KLHL25: variants seen among roughly 807,000 people sequenced by gnomAD.
KLHL25 encodes kelch-like protein 25.
A neutral mutation model predicts 30.0 loss-of-function variants in KLHL25; 41 were observed. The ratio of observed to expected loss-of-function variants is 1.37; its 90% CI spans 1.07 to 1.78. The LOEUF (loss-of-function observed/expected upper bound fraction) is 1.78. Among genes scored for constraint, KLHL25 ranks in the 40% most tolerant of loss-of-function variants. KLHL25 has a pLI of 0.00. For missense variants in KLHL25, 971 were observed against 824.5 expected, an observed-to-expected ratio of 1.18 and a Z score of -2.18; for synonymous variants, 399 against 355.3, an observed-to-expected ratio of 1.12 and a Z score of -1.38.
At chr15:85,790,903 T>TAA (rs34101416) in intron 1 of KLHL25, among the ~76,000 whole-genome samples, 6 of 139,448 alleles carry the variant, frequency 4.3e-5, no homozygotes, top group African/African-American at 1.1e-4. Context: ...AGCTGCCATT[T>TAA]AAAAAAAAAA....
chr15:85,774,357 G>A (rs1303436457), intron 1 of KLHL25, among the ~76,000 whole-genome samples: 2 of 152,144 alleles, frequency 1.3e-5, no homozygotes, highest in South Asian at 2.1e-4. Context: ...CTTGGACATC[G>A]CTGCTCCCCA....
At chr15:85,778,041 C>T (rs955360969) in intron 1 of KLHL25, among the ~76,000 whole-genome samples, 12 of 152,198 alleles carry the variant, frequency 7.9e-5, no homozygotes, top group Non-Finnish European at 1.6e-4. Flanking sequence ...ACCCCCAAAT[C>T]GCAGCAGCTG....
chr15:85,781,657 T>C (rs529012327), intron 1 of KLHL25, among the ~76,000 whole-genome samples: 2 of 152,234 alleles, frequency 1.3e-5, no homozygotes, highest in African/African-American at 4.8e-5. Flanking sequence ...TAATTTTTTC[T>C]ATTTTTAGTA....
At chr15:85,778,974 G>A (rs1345919052) in intron 1 of KLHL25, among the ~76,000 whole-genome samples, 1 of 152,030 alleles carries the variant, frequency 6.6e-6, no homozygotes, top group Non-Finnish European at 1.5e-5. Context: ...TCACCTTAGA[G>A]AAAGGACCTA....
chr15:85,784,778 G>A (rs2151812486), intron 1 of KLHL25, among the ~76,000 whole-genome samples: 1 of 152,286 alleles, frequency 6.6e-6, no homozygotes, highest in African/African-American at 2.4e-5. Context: ...AGAGCCTCAA[G>A]AGCCCAGTAC....
At chr15:85,761,212 G>A (rs2089580160) in intron 2 of KLHL25, 1 of 152,264 alleles carries the variant, frequency 6.6e-6, no homozygotes, top group Non-Finnish European at 1.5e-5. Context: ...GGTGACTCAG[G>A]TGTCAACTTG....
intron 1 of KLHL25, among the ~76,000 whole-genome samples, chr15:85,785,750 C>G (rs1019996529): frequency 1.3e-5 from 2 of 152,158 alleles, no homozygotes; most frequent in African/African-American, 4.8e-5. Flanking sequence ...AGCTAACCAG[C>G]CAAACCCTGG....
chr15:85,768,435 A>G lies in KLHL25; in HGVS notation c.1376T>C (p.Val459Ala), dbSNP rs2089639676. The change falls in exon 2 of 3, where the codon GTG (valine) becomes GCG (alanine). Residue 459 changes from valine (V) to alanine (A), a missense_variant. Coordinates refer to ENST00000337975, the MANE Select transcript of KLHL25 (RefSeq NM_022480.4). ...FGGTSIHRDM[V>A]SKVQCYDPSE... ...GGGGTCATAGCACTGGACCTTGGAC[A>G]CCATGTCCCGGTGGATGCTGGTTCC... 1.9e-6 allele frequency: 3 copies of G among 1,613,010 alleles called. No individual in the cohort carries two copies. Among genetic ancestry groups the G allele is most frequent in the Middle Eastern group, 1.6e-4 (1 of 6,082 alleles).
At chr15:85,784,558 GCAGAGTTTTCTC>G (rs1413857176) in intron 1 of KLHL25, among the ~76,000 whole-genome samples, 2 of 143,834 alleles carry the variant, frequency 1.4e-5, no homozygotes, top group African/African-American at 5.1e-5. Context: ...AAAAAAAAAA[GCAGAGTTTTCTC>G]CAGCTGGTCC....
At chr15:85,790,457 T>C (rs928094255) in intron 1 of KLHL25, among the ~76,000 whole-genome samples, 3 of 152,190 alleles carry the variant, frequency 2.0e-5, no homozygotes, top group African/African-American at 7.2e-5. Flanking sequence ...CCAGAAAGGC[T>C]AAGCAAGTAA....
In KLHL25 at chr15:85,769,139, T is replaced by C. The variant is rs2151806795; in HGVS notation, c.672A>G (p.Pro224=). The C allele has an allele frequency of 6.2e-7, 1 of 1,609,262 alleles. No individual in the cohort carries two copies. The highest frequency in any genetic ancestry group is 8.5e-7 in the Non-Finnish European group (1 of 1,176,616). Residue 224 remains proline, a synonymous_variant, in exon 2 of 3, where the codon CCA becomes CCG. Transcript: ENST00000337975. ...ILQWVKHDLE[P]RKVHLPELLR... is the part of the protein sequence containing the mutation. ...GGAGCTCGGGCAAGTGGACCTTCCG[T>C]GGCTCCAGGTCGTGCTTCACCCACT...
At chr15:85,792,959 G>C (rs2089827367) in intron 1 of KLHL25, among the ~76,000 whole-genome samples, 1 of 152,110 alleles carries the variant, frequency 6.6e-6, no homozygotes, top group Non-Finnish European at 1.5e-5. Flanking sequence ...CTCAGGGCCT[G>C]GCACACAGCA....
Position 85,789,940 on chromosome 15 carries a change from C to G in KLHL25, c.-11+4826G>C, listed in dbSNP as rs527711730. ...GTCCCTTTGGAGTTACTGGGAAAAT[C>G]TGAATCGAGTCTTCAGGAAACTAGG... On this transcript the variant is annotated intron_variant, in intron 1 of 2. Coordinates refer to ENST00000337975, the MANE Select transcript of KLHL25 (RefSeq NM_022480.4). This position sits in a 1 kb window ranked among gnomAD's most constrained non-coding sequence, Gnocchi z 4.1. Among the ~76,000 whole-genome samples, 10 of 152,300 alleles carry G rather than the reference C, an allele frequency of 6.6e-5. No individual in the cohort carries two copies. Among genetic ancestry groups the G allele is most frequent in the Non-Finnish European group, 1.3e-4 (9 of 68,014 alleles).
intron 1 of KLHL25, among the ~76,000 whole-genome samples, chr15:85,776,608 G>A (rs552366517): frequency 1.3e-5 from 2 of 152,002 alleles, no homozygotes; most frequent in African/African-American, 4.8e-5. Context: ...TATTTAGTTT[G>A]GTTTTGTTTC....
At position 85,769,468 on chromosome 15, in the gene KLHL25, C is replaced by G; in HGVS notation, c.343G>C (p.Glu115Gln). The G allele has an allele frequency of 6.2e-7, 1 of 1,614,064 alleles. No homozygotes were observed. Among genetic ancestry groups the G allele is most frequent in the African/African-American group, 1.3e-5 (1 of 75,044 alleles). Residue 115 changes from glutamate (E) to glutamine (Q), a missense_variant, in exon 2 of 3, where the codon GAG becomes CAG. Physicochemically the swap from Glu to Gln is conservative, Grantham distance 29 (BLOSUM62 2). Coordinates refer to ENST00000337975, the MANE Select transcript of KLHL25 (RefSeq NM_022480.4). ...GCCTCCAGCAGTGACTCAGCGTTCTCCTCGTTGATGGCGATGCGTGAGGAG... is the reference window on the plus strand; with the variant it reads ...GCCTCCAGCAGTGACTCAGCGTTCTGCTCGTTGATGGCGATGCGTGAGGAG... The part of the protein sequence containing the change: ...AYSSRIAINE[E>Q]NAESLLEAGD...
chr15:85,791,018 G>A (rs1219666445), intron 1 of KLHL25, among the ~76,000 whole-genome samples: 2 of 151,726 alleles, frequency 1.3e-5, no homozygotes, highest in Non-Finnish European at 2.9e-5. Flanking sequence ...TGGCCAACAT[G>A]GTGAAACCCT....
Position 85,769,700 on chromosome 15 carries a change from G to T in KLHL25, c.111C>A (p.Asn37Lys), listed in dbSNP as rs567814246. The T allele has an allele frequency of 6.2e-7, 1 of 1,614,032 alleles. No individual in the cohort carries two copies. The highest frequency in any genetic ancestry group is 2.2e-5 in the East Asian group (1 of 44,888). Residue 37 changes from asparagine to lysine, a missense_variant, in exon 2 of 3, where the codon AAC (asparagine) becomes AAA (lysine). Asn to Lys is a moderately conservative substitution (Grantham distance 94). Coordinates refer to ENST00000337975, the MANE Select transcript of KLHL25 (RefSeq NM_022480.4). Reference protein sequence around the residue: ...SHPDCVLAHLNTLRKHCMFTD... With the variant: ...SHPDCVLAHLKTLRKHCMFTD... ...TGAACATGCAGTGCTTGCGAAGCGT[G>T]TTGAGGTGGGCCAGCACACAGTCCG...
chr15:85,779,511 TA>T (rs1442884030), intron 1 of KLHL25, among the ~76,000 whole-genome samples: 4 of 152,218 alleles, frequency 2.6e-5, no homozygotes, highest in African/African-American at 9.7e-5. Context: ...TAAAATGGCT[TA>T]GGGGTAGGGA....
intron 1 of KLHL25, among the ~76,000 whole-genome samples, chr15:85,785,718 CCGCAGCAGCCT>C (rs1418326442): frequency 6.6e-6 from 1 of 152,186 alleles, no homozygotes; most frequent in East Asian, 1.9e-4. Flanking sequence ...CTGCCTCAGC[CCGCAGCAGCCT>C]CCCACGGCTT....
Sources: allele counts gnomAD v4.1 joint callset (sites outside exome capture counted in the v4.1 genomes callset), GRCh38; gene constraint gnomAD v4.1.1; non-coding constraint Gnocchi (gnomAD v3.1); transcripts MANE v1.5; gene names NCBI Gene and HGNC (gene_info 2026-07-23, HGNC 2026-07-21).